UGT1A7: variants seen among roughly 807,000 people sequenced by gnomAD.
The protein encoded by UGT1A7 is UDP glucuronosyltransferase family 1 member A7, also known as UDP-glucuronosyltransferase 1A7.
UGT1A7 carries 33 observed loss-of-function variants against 45.6 expected under a neutral mutation model. The ratio of observed to expected loss-of-function variants is 0.72; its 90% CI spans 0.55 to 0.97. UGT1A7 has a LOEUF of 0.97. UGT1A7 is among the 50% of genes least tolerant of loss of function. UGT1A7 has a pLI of 0.00. For missense variants in UGT1A7, 684 were observed against 666.2 expected (o/e 1.03, Z -0.29); for synonymous variants, 274 against 250.6 (o/e 1.09, Z -0.88).
intron 1 of UGT1A7, among the ~76,000 whole-genome samples, chr2:233,731,881 A>AC (rs1345442477): frequency 6.6e-6 from 1 of 152,198 alleles, no homozygotes; most frequent in Non-Finnish European, 1.5e-5. Flanking sequence ...CAATGGTTGA[A>AC]CTAATTTACA....
chr2:233,766,710 C>T (rs1053778775), intron 1 of UGT1A7, among the ~76,000 whole-genome samples: 3 of 152,122 alleles, frequency 2.0e-5, no homozygotes, highest in Non-Finnish European at 1.5e-5. Context: ...TCTGTGTTCT[C>T]TAAGTGGAAT....
At chr2:233,715,302 T>C (rs1054337929) in intron 1 of UGT1A7, among the ~76,000 whole-genome samples, 14 of 152,238 alleles carry the variant, frequency 9.2e-5, no homozygotes, top group African/African-American at 2.7e-4. Context: ...GGCTCTTGAA[T>C]AGGTTTTGCT....
At chr2:233,760,913 G>A (rs747662045) in intron 1 of UGT1A7, 10 of 1,614,168 alleles carry the variant, frequency 6.2e-6, no homozygotes, top group South Asian at 4.4e-5. Flanking sequence ...TTCCTGCAGC[G>A]GGTGAAGAAC....
At chr2:233,735,659 T>C (rs1049518793) in intron 1 of UGT1A7, among the ~76,000 whole-genome samples, 2 of 152,208 alleles carry the variant, frequency 1.3e-5, no homozygotes, top group African/African-American at 2.4e-5. Context: ...TGGTGTTTCT[T>C]TCCATGTTTA....
chr2:233,704,913 C>T (rs575509473), intron 1 of UGT1A7, among the ~76,000 whole-genome samples: 23 of 152,088 alleles, frequency 1.5e-4, no homozygotes, highest in Non-Finnish European at 2.9e-4. Flanking sequence ...GCAGGTGGAT[C>T]ACCTGAGACC....
intron 1 of UGT1A7, among the ~76,000 whole-genome samples, chr2:233,707,450 C>G (rs191535913): frequency 1.3e-5 from 2 of 151,870 alleles, no homozygotes; most frequent in East Asian, 1.9e-4. Flanking sequence ...ATTTTGCCAC[C>G]TAAATTTGCA....
intron 1 of UGT1A7, among the ~76,000 whole-genome samples, chr2:233,702,957 A>G (rs1394340118): frequency 6.6e-6 from 1 of 152,176 alleles, no homozygotes; most frequent in East Asian, 1.9e-4. Flanking sequence ...TCTGAATATT[A>G]CTGGCCTTGT....
intron 1 of UGT1A7, chr2:233,690,732 T>G: frequency 8.3e-7 from 1 of 1,208,768 alleles, no homozygotes; most frequent in Middle Eastern, 3.1e-4. Flanking sequence ...ACATGCCAGA[T>G]TCCTCTGGCT....
intron 1 of UGT1A7, among the ~76,000 whole-genome samples, chr2:233,745,836 TTTC>T (rs746165208): frequency 1.3e-4 from 19 of 151,248 alleles, no homozygotes; most frequent in Admixed American, 7.2e-4. Flanking sequence ...GACTCTGAAT[TTTC>T]TTCTGTGCCC....
intron 1 of UGT1A7, chr2:233,713,483 C>T: frequency 3.7e-6 from 6 of 1,613,990 alleles, no homozygotes; most frequent in South Asian, 1.1e-5. Context: ...TGGCTAAGTA[C>T]CTGTCGATTC....
chr2:233,767,849 G>A lies in UGT1A7; in HGVS notation c.988G>A (p.Val330Ile). ...ADALGKIPQT[V>I]LWRYTGTRPS... ...GTTCTGCTCTTTTTGCCCCTCCCAG[G>A]TCCTGTGGCGGTACACTGGAACCCG... The change falls in exon 3 of 5, where the codon GTC becomes ATC. Residue 330 changes from valine (V) to isoleucine (I), a missense_variant and splice_region_variant. Transcript: ENST00000373426. The A allele has an allele frequency of 1.2e-6, 2 of 1,613,920 alleles. No homozygotes were observed. The highest frequency in any genetic ancestry group is 1.7e-6 in the Non-Finnish European group (2 of 1,180,010).
chr2:233,699,086 C>G (rs1303694142), intron 1 of UGT1A7, among the ~76,000 whole-genome samples: 1 of 152,218 alleles, frequency 6.6e-6, no homozygotes, highest in Non-Finnish European at 1.5e-5. Context: ...TCTCTCTAGC[C>G]CTGTGCACCT....
intron 1 of UGT1A7, among the ~76,000 whole-genome samples, chr2:233,724,129 T>A (rs2077172457): frequency 8.6e-6 from 1 of 116,454 alleles, no homozygotes. Context: ...GCCCCTCACC[T>A]CCCGGACGGG....
chr2:233,701,928 A>G (rs1360011790), intron 1 of UGT1A7, among the ~76,000 whole-genome samples: 1 of 152,208 alleles, frequency 6.6e-6, no homozygotes, highest in Non-Finnish European at 1.5e-5. Flanking sequence ...CATCACAATT[A>G]AAAGAACTAG....
At chr2:233,750,627 TC>T (rs1482081240) in intron 1 of UGT1A7, 1 of 151,448 alleles carries the variant, frequency 6.6e-6, no homozygotes, top group Non-Finnish European at 1.5e-5. Flanking sequence ...GGGTCCATGC[TC>T]CCCCTGCTGT....
chr2:233,725,049 TGGCGGCGCGCGCCTG>T (rs1559369977), intron 1 of UGT1A7, among the ~76,000 whole-genome samples: 1 of 147,424 alleles, frequency 6.8e-6, no homozygotes, highest in Non-Finnish European at 1.5e-5. Flanking sequence ...CAGTCAGGCG[TGGCGGCGCGCGCCTG>T]CAATCGCAGG....
chr2:233,745,071 G>C (rs981811501), intron 1 of UGT1A7, among the ~76,000 whole-genome samples: 2 of 151,782 alleles, frequency 1.3e-5, no homozygotes. Flanking sequence ...TATTTGTATT[G>C]TTTTTTCATT....
chr2:233,728,968 T>C (rs1359858521), intron 1 of UGT1A7: 14 of 1,468,408 alleles, frequency 9.5e-6, no homozygotes, highest in Non-Finnish European at 1.3e-5. Context: ...AAAACAGTGA[T>C]AGATTAATGG....
intron 1 of UGT1A7, chr2:233,712,955 T>C (rs766040798): frequency 1.9e-6 from 3 of 1,612,766 alleles, no homozygotes; most frequent in Non-Finnish European, 2.5e-6. Context: ...AGGCACAACG[T>C]GGGGTGGACA....
Sources: gnomAD v4.1 joint callset for allele counts (sites outside exome capture counted in the v4.1 genomes callset) on GRCh38, gnomAD v4.1.1 for gene constraint, MANE v1.5 for transcripts, NCBI Gene and HGNC (gene_info 2026-07-23, HGNC 2026-07-21) for gene names.